The following RASGRP3 variants were observed in gnomAD, a reference collection of about 807,000 sequenced individuals.
The protein encoded by RASGRP3 is RAS guanyl releasing protein 3, also known as ras guanyl-releasing protein 3.
Under a neutral mutation model 82.7 loss-of-function variants are expected in RASGRP3, and 54 were observed. The observed-to-expected ratio is 0.65, with a 90% confidence interval of 0.52 to 0.82. The LOEUF (loss-of-function observed/expected upper bound fraction) is 0.82. RASGRP3 is among the 40% of genes least tolerant of loss of function. The pLI, the probability that RASGRP3 is intolerant of heterozygous loss-of-function variation, is 0.00. For synonymous variants in RASGRP3, 309 were observed against 300.5 expected, an observed-to-expected ratio of 1.03 and a Z score of -0.29; for missense variants, 861 against 828.9, an observed-to-expected ratio of 1.04 and a Z score of -0.48.
intron 2 of RASGRP3, among the ~76,000 whole-genome samples, chr2:33,465,071 G>A (rs1054154228): frequency 5.9e-5 from 9 of 152,310 alleles, no homozygotes; most frequent in African/African-American, 2.2e-4. Flanking sequence ...TGAGGAAGGT[G>A]TGCTGAAAGC....
At chr2:33,494,768 A>G (rs1669164787) in intron 1 of RASGRP3, among the ~76,000 whole-genome samples, 1 of 152,252 alleles carries the variant, frequency 6.6e-6, no homozygotes, top group Admixed American at 6.5e-5. Context: ...TTTAGAAATC[A>G]TTAATGACTA....
rs149239592 is a variant in RASGRP3 at position 33,505,844 on chromosome 2, C to T, written c.-260-5866C>T. On this transcript the variant is annotated intron_variant, in intron 1 of 17. Transcript: ENST00000403687. ...GCAGGTGTCTAGCATGTATATATAT[C>T]ATTTCCCTGCTATGTTCGGCTGCAG... Among the ~76,000 whole-genome samples the T allele has an allele frequency of 9.7e-4, 147 of 152,252 alleles. 2 individuals are homozygous for T. The highest frequency in any genetic ancestry group is 3.5e-3 in the African/African-American group (145 of 41,556).
intron 6 of RASGRP3, among the ~76,000 whole-genome samples, chr2:33,521,075 T>C (rs1671984709): frequency 6.6e-6 from 1 of 152,150 alleles, no homozygotes; most frequent in African/African-American, 2.4e-5. Context: ...TGGGAGCTCA[T>C]TAGGAATGCA....
intron 13 of RASGRP3, among the ~76,000 whole-genome samples, chr2:33,547,945 G>A (rs1383621577): frequency 6.6e-6 from 1 of 152,152 alleles, no homozygotes; most frequent in African/African-American, 2.4e-5. Flanking sequence ...ATGAGAAAAG[G>A]CCACTGAGGA....
At chr2:33,507,841 A>G (rs1368273997) in intron 1 of RASGRP3, among the ~76,000 whole-genome samples, 1 of 152,178 alleles carries the variant, frequency 6.6e-6, no homozygotes, top group Admixed American at 6.5e-5. Context: ...CTGGATTTTT[A>G]AAAGATTCTT....
chr2:33,451,884 A>C (rs1665818567), intron 2 of RASGRP3, among the ~76,000 whole-genome samples: 1 of 151,866 alleles, frequency 6.6e-6, no homozygotes, highest in Non-Finnish European at 1.5e-5. Flanking sequence ...TTGTTTCATA[A>C]ATCCTATAGG....
intron 2 of RASGRP3, among the ~76,000 whole-genome samples, chr2:33,466,329 G>T (rs932706464): frequency 1.3e-5 from 2 of 152,170 alleles, no homozygotes; most frequent in African/African-American, 4.8e-5. Context: ...GACATTAATA[G>T]GAGTTTGAAA....
chr2:33,437,775 TATA>T (rs1665004167), intron 1 of RASGRP3, among the ~76,000 whole-genome samples: 2 of 151,940 alleles, frequency 1.3e-5, no homozygotes, highest in Admixed American at 6.6e-5. Context: ...TGTTAGAAAG[TATA>T]ATATGTTTGA....
At chr2:33,507,716 G>A (rs947530228) in intron 1 of RASGRP3, among the ~76,000 whole-genome samples, 1 of 152,038 alleles carries the variant, frequency 6.6e-6, no homozygotes, top group Non-Finnish European at 1.5e-5. Flanking sequence ...ATTAGAGATG[G>A]GGTTTCACCA....
At chr2:33,478,470 C>G (rs1238973289) in intron 1 of RASGRP3, among the ~76,000 whole-genome samples, 1 of 152,028 alleles carries the variant, frequency 6.6e-6, no homozygotes, top group Non-Finnish European at 1.5e-5. Context: ...GAAGAGAACC[C>G]TCTGGTGAAA....
intron 1 of RASGRP3, among the ~76,000 whole-genome samples, chr2:33,444,128 C>A (rs1477138809): frequency 6.6e-6 from 1 of 151,834 alleles, no homozygotes; most frequent in Non-Finnish European, 1.5e-5. Flanking sequence ...CATGGCAAGA[C>A]CCTGTCTCTA....
In RASGRP3 at chr2:33,563,132, T is replaced by C. The variant is rs1218571201; in HGVS notation, c.*395T>C. ...ATCCTTTCAATATTTTTATAAACTT[T>C]TGTGTGTGCTGTGGCAGGGAACAGT... On this transcript the variant is annotated 3_prime_UTR_variant, in exon 18 of 18. Transcript: ENST00000403687. 1 of 198,814 alleles carries C rather than the reference T, an allele frequency of 5.0e-6. No individual in the cohort carries two copies. The highest frequency in any genetic ancestry group is 1.0e-5 in the Non-Finnish European group (1 of 99,372). The allele number at this position is 198,814 out of a possible 1,614,324, so 12.3% of individuals were successfully genotyped here. A position where few individuals can be genotyped will look rare whatever the true frequency, so the allele number is the denominator to read the frequency against.
intron 6 of RASGRP3, 54 bp from the exon 7 acceptor site, chr2:33,521,901 C>T (rs1672070207): frequency 6.4e-7 from 1 of 1,557,578 alleles, no homozygotes. Context: ...TAATAACTTC[C>T]ATTGAGTGAA....
chr2:33,438,156 A>G (rs1036964876), intron 1 of RASGRP3, among the ~76,000 whole-genome samples: 1 of 152,278 alleles, frequency 6.6e-6, no homozygotes, highest in African/African-American at 2.4e-5. Flanking sequence ...ACTGTATGTA[A>G]GGTTTAAGAA....
rs35933402 is a variant in RASGRP3, at chr2:33,534,328, C to T, written c.1089C>T (p.Ser363=). The T allele has an allele frequency of 0.14, 219,278 of 1,560,928 alleles. 17,095 individuals are homozygous for T. Among genetic ancestry groups the T allele is most frequent in the Admixed American group, 0.2 (11,595 of 59,184 alleles). The change falls in exon 11 of 18, where the codon TCC becomes TCT. Residue 363 remains serine, a synonymous_variant. Coordinates refer to ENST00000403687, the MANE Select transcript of RASGRP3 (RefSeq NM_001139488.2). ...CCCTTCTAATTTTGTTGTAGCTTTC[C>T]CTGGACCTCTATCACACTGAAGATG... ...NMDLINLLTL[S]LDLYHTEDDI... is the part of the protein sequence containing the mutation.
upstream of RASGRP3, among the ~76,000 whole-genome samples, chr2:33,472,417 A>G (rs948800979): frequency 6.6e-6 from 1 of 152,228 alleles, no homozygotes; most frequent in African/African-American, 2.4e-5. Flanking sequence ...CGTGTAAAAC[A>G]TACATTGAGA....
chr2:33,508,832 C>G (rs1409679779), intron 1 of RASGRP3, among the ~76,000 whole-genome samples: 2 of 152,100 alleles, frequency 1.3e-5, no homozygotes, highest in Non-Finnish European at 2.9e-5. Context: ...GCTTTTTGGG[C>G]TATTGTATCA....
At chr2:33,490,994 G>A (rs1338131304) in intron 1 of RASGRP3, among the ~76,000 whole-genome samples, 1 of 152,192 alleles carries the variant, frequency 6.6e-6, no homozygotes, top group African/African-American at 2.4e-5. Context: ...TGCTTTTGTT[G>A]TCAGAGTTAC....
intron 2 of RASGRP3, among the ~76,000 whole-genome samples, chr2:33,458,670 C>A (rs1158559842): frequency 6.6e-6 from 1 of 152,160 alleles, no homozygotes; most frequent in East Asian, 1.9e-4. Context: ...GTTACCAAGG[C>A]CACAGTGCAG....
Sources: gnomAD v4.1 joint callset for allele counts (sites outside exome capture counted in the v4.1 genomes callset) on GRCh38, gnomAD v4.1.1 for gene constraint, MANE v1.5 for transcripts, NCBI Gene and HGNC (gene_info 2026-07-23, HGNC 2026-07-21) for gene names.